Variants in CLHC1 observed in about 807,000 individuals in gnomAD.
The protein encoded by CLHC1 is clathrin heavy chain linker domain containing 1, also known as clathrin heavy chain linker domain-containing protein 1.
A neutral mutation model predicts 69.5 loss-of-function variants in CLHC1; 72 were observed. That is an observed-to-expected ratio of 1.04 (90% CI 0.86 to 1.26). CLHC1 has a LOEUF of 1.26. Among genes scored for constraint, CLHC1 ranks in the 50% most tolerant of loss-of-function variants. The pLI is 0.00. For missense variants in CLHC1, 790 were observed against 679.3 expected (o/e 1.16, Z -1.81); for synonymous variants, 223 against 224.3 (o/e 0.99, Z 0.05).
intron 9 of CLHC1, among the ~76,000 whole-genome samples, chr2:55,202,448 C>T (rs1672040015): frequency 6.6e-6 from 1 of 150,752 alleles, no homozygotes; most frequent in Non-Finnish European, 1.5e-5. Context: ...CCCAGGTACT[C>T]GGGAGGCTGA....
intron 5 of CLHC1, among the ~76,000 whole-genome samples, chr2:55,210,309 G>A (rs1334338760): frequency 1.3e-5 from 2 of 151,990 alleles, no homozygotes; most frequent in African/African-American, 2.4e-5. Flanking sequence ...CAATTCTCCT[G>A]CCTCAACTTC....
chr2:55,194,757 C>G (rs1671239590), intron 9 of CLHC1, among the ~76,000 whole-genome samples: 1 of 152,050 alleles, frequency 6.6e-6, no homozygotes, highest in African/African-American at 2.4e-5. Context: ...AAAATAGAAA[C>G]TGTATATCTG....
In CLHC1 at chr2:55,175,112, C is replaced by T. The variant is rs886344253; in HGVS notation, c.*678G>A. 1.3e-5 allele frequency: 2 copies of T among 152,148 alleles called. No individual in the cohort carries two copies. The highest frequency in any genetic ancestry group is 3.2e-3 in the Middle Eastern group (1 of 316). The allele number at this position is 152,148 out of a possible 1,614,324, so 9.4% of individuals were successfully genotyped here. On this transcript the variant is annotated 3_prime_UTR_variant, in exon 13 of 13. Coordinates refer to ENST00000401408, the MANE Select transcript of CLHC1 (RefSeq NM_152385.4). ...AACTTTCAGAGTTTTCAATCAAATA[C>T]TTATTCAGACACTTGAAATAATCCA...
In CLHC1 at chr2:55,175,368, T is replaced by A. The variant is rs1669289824; in HGVS notation, c.*422A>T. On this transcript the variant is annotated 3_prime_UTR_variant, in exon 13 of 13. Coordinates refer to ENST00000401408, the MANE Select transcript of CLHC1 (RefSeq NM_152385.4). The stretch of plus-strand genomic sequence containing the variant: ...TTTGCCAGCAAGTCCAACCTTGAAA[T>A]GATTTCCTGCTTTTCTGGTCAAGTC... 6.4e-6 allele frequency: 1 copy of A among 156,036 alleles called. No individual in the cohort carries two copies. The highest frequency in any genetic ancestry group is 2.4e-5 in the African/African-American group (1 of 41,536). 9.7% of individuals were successfully genotyped at this position (156,036 alleles called of 1,614,324 possible). A position where few individuals can be genotyped will look rare whatever the true frequency, so the allele number is the denominator to read the frequency against.
At chr2:55,187,454 A>C (rs1375471059) in intron 9 of CLHC1, among the ~76,000 whole-genome samples, 1 of 152,040 alleles carries the variant, frequency 6.6e-6, no homozygotes, top group Admixed American at 6.6e-5. Context: ...CTCTACCAAA[A>C]ATACAAAAAT....
At chr2:55,216,595 G>A (rs886085842) in intron 4 of CLHC1, among the ~76,000 whole-genome samples, 6 of 151,836 alleles carry the variant, frequency 4.0e-5, no homozygotes, top group South Asian at 2.1e-4. Context: ...GAGTGCAGTG[G>A]CGCAATCATG....
chr2:55,200,017 A>G (rs1366492693), intron 9 of CLHC1, among the ~76,000 whole-genome samples: 1 of 152,080 alleles, frequency 6.6e-6, no homozygotes, highest in East Asian at 1.9e-4. Context: ...TGAACCCAGG[A>G]GTTCAAGATC....
chr2:55,197,986 A>G (rs1283480796), intron 9 of CLHC1, among the ~76,000 whole-genome samples: 1 of 152,232 alleles, frequency 6.6e-6, no homozygotes. Flanking sequence ...TCCTATCGGA[A>G]AAATTTAACT....
chr2:55,195,686 C>T (rs1159445655), intron 9 of CLHC1, among the ~76,000 whole-genome samples: 2 of 152,110 alleles, frequency 1.3e-5, no homozygotes, highest in East Asian at 3.9e-4. Flanking sequence ...CCTGTAATCC[C>T]AGCTATTGGG....
At chr2:55,184,606 G>C (rs1670245401) in intron 9 of CLHC1, among the ~76,000 whole-genome samples, 2 of 152,088 alleles carry the variant, frequency 1.3e-5, no homozygotes, top group South Asian at 4.2e-4. Context: ...TATGATGGCA[G>C]AAGATGAAAG....
In CLHC1 at chr2:55,204,454, G is replaced by A. The variant is rs1315039885; in HGVS notation, c.1006+1816C>T. 3.3e-5 allele frequency among the ~76,000 whole-genome samples: 5 copies of A among 152,268 alleles called. No homozygotes were observed. In the South Asian group the frequency reaches 1.0e-3, roughly 32 times the overall value. ...TTAAAACAGTAGCTTTTATCCAAGA[G>A]TCAGGCAATAAGAAATGCTGGCAAG... On this transcript the variant is annotated intron_variant, in intron 9 of 12. Transcript: ENST00000401408.
At position 55,190,999 on chromosome 2, in the gene CLHC1, C is replaced by T. The variant is rs376129821; in HGVS notation, c.1007-9255G>A. On this transcript the variant is annotated intron_variant, in intron 9 of 12. Transcript: ENST00000401408. ...GTCATAGAGAAAAGACACATATGTACGGAAGTACAAAGATAAAGATGAAAT... is the reference window on the plus strand; with the variant it reads ...GTCATAGAGAAAAGACACATATGTATGGAAGTACAAAGATAAAGATGAAAT... Among the ~76,000 whole-genome samples, 207 of 151,872 alleles carry T rather than the reference C, an allele frequency of 1.4e-3. 2 individuals carry two copies. In the Middle Eastern group the frequency reaches 0.017, roughly 13 times the overall value.
At chr2:55,213,469 G>T (rs956998738) in intron 4 of CLHC1, among the ~76,000 whole-genome samples, 12 of 152,156 alleles carry the variant, frequency 7.9e-5, no homozygotes, top group African/African-American at 2.9e-4. Context: ...CATCTGCAAA[G>T]ACCCTTTTTC....
intron 1 of CLHC1, among the ~76,000 whole-genome samples, chr2:55,229,633 A>C (rs923393324): frequency 6.6e-6 from 1 of 152,252 alleles, no homozygotes; most frequent in Non-Finnish European, 1.5e-5. Flanking sequence ...ACTTGGCAAG[A>C]GGAGCAACAC....
At chr2:55,214,780 G>A (rs533173203) in intron 4 of CLHC1, 1 of 152,254 alleles carries the variant, frequency 6.6e-6, no homozygotes, top group South Asian at 2.1e-4. Flanking sequence ...TATTCACATA[G>A]CCAAAAATGG....
chr2:55,196,330 A>G (rs1671411340), intron 9 of CLHC1, among the ~76,000 whole-genome samples: 1 of 152,166 alleles, frequency 6.6e-6, no homozygotes. Context: ...CTTGGAAGGC[A>G]TATTACCTAG....
chr2:55,204,797 G>A lies in CLHC1; in HGVS notation c.1006+1473C>T, dbSNP rs186091913. On this transcript the variant is annotated intron_variant, in intron 9 of 12. Transcript: ENST00000401408. ...CATTTACAACAACATGGATGGAACCGGAGGTCATTATGTTAGGTGAAATAA... is the reference window on the plus strand; with the variant it reads ...CATTTACAACAACATGGATGGAACCAGAGGTCATTATGTTAGGTGAAATAA... Among the ~76,000 whole-genome samples, 414 of 152,220 alleles carry A rather than the reference G, an allele frequency of 2.7e-3. 1 individual carries two copies. Among genetic ancestry groups the A allele is most frequent in the African/African-American group, 9.1e-3 (377 of 41,528 alleles).
intron 9 of CLHC1, among the ~76,000 whole-genome samples, chr2:55,192,356 G>A (rs905048208): frequency 6.6e-6 from 1 of 152,118 alleles, no homozygotes; most frequent in African/African-American, 2.4e-5. Context: ...CTGACCTCAA[G>A]TGATCCACCC....
chr2:55,207,534 A>G (rs577097546), intron 8 of CLHC1, among the ~76,000 whole-genome samples: 2 of 152,294 alleles, frequency 1.3e-5, no homozygotes, highest in South Asian at 4.1e-4. Flanking sequence ...CCTTCTTTTT[A>G]CCATACCAAC....
Sources: allele counts gnomAD v4.1 joint callset (sites outside exome capture counted in the v4.1 genomes callset), GRCh38; gene constraint gnomAD v4.1.1; transcripts MANE v1.5; gene names NCBI Gene and HGNC (gene_info 2026-07-23, HGNC 2026-07-21).